COG5: variants seen among roughly 807,000 people sequenced by gnomAD.
COG5 encodes the protein component of oligomeric golgi complex 5, also known as conserved oligomeric Golgi complex subunit 5.
In COG5, 86 loss-of-function variants were observed where a neutral mutation model predicts 110.4. The ratio of observed to expected loss-of-function variants is 0.78; its 90% CI spans 0.65 to 0.93. The LOEUF (loss-of-function observed/expected upper bound fraction) is 0.93, where lower values mean the gene tolerates loss of function less well. COG5 is among the 40% of genes least tolerant of loss of function. COG5 has a pLI of 0.00. For missense variants in COG5, 1,077 were observed against 987.0 expected (o/e 1.09, Z -1.22); for synonymous variants, 360 against 334.6 (o/e 1.08, Z -0.83).
chr7:107,250,041 T>C (rs1802375043), intron 16 of COG5, among the ~76,000 whole-genome samples: 1 of 152,120 alleles, frequency 6.6e-6, no homozygotes, highest in African/African-American at 2.4e-5. Flanking sequence ...ATCCTAAAGG[T>C]ACCAGGAAAC....
chr7:107,338,939 C>T (rs1021778970), intron 10 of COG5, among the ~76,000 whole-genome samples: 8 of 152,004 alleles, frequency 5.3e-5, no homozygotes, highest in Admixed American at 5.2e-4. Flanking sequence ...TTTACATGGC[C>T]AACACATCCT....
chr7:107,327,119 G>C (rs1034166258), intron 10 of COG5, among the ~76,000 whole-genome samples: 2 of 152,014 alleles, frequency 1.3e-5, no homozygotes, highest in Non-Finnish European at 2.9e-5. Flanking sequence ...CAATGGAGTA[G>C]AGAGACAAAA....
intron 11 of COG5, among the ~76,000 whole-genome samples, chr7:107,301,215 T>C (rs1315301112): frequency 6.6e-6 from 1 of 152,144 alleles, no homozygotes; most frequent in Non-Finnish European, 1.5e-5. Context: ...TTAGACATGA[T>C]ATGAAACCAA....
At chr7:107,281,736 G>T (rs1805185717) in intron 13 of COG5, among the ~76,000 whole-genome samples, 1 of 152,108 alleles carries the variant, frequency 6.6e-6, no homozygotes, top group African/African-American at 2.4e-5. Context: ...GCATATCACA[G>T]ACATCTGCAA....
At chr7:107,489,866 G>A (rs984560904) in intron 6 of COG5, among the ~76,000 whole-genome samples, 31 of 152,200 alleles carry the variant, frequency 2.0e-4, no homozygotes, top group African/African-American at 6.5e-4. Flanking sequence ...GGAACGCTAT[G>A]TAATCTTATT....
chr7:107,362,178 G>A lies in COG5; in HGVS notation c.949-68C>T, dbSNP rs76716147. The A allele has an allele frequency of 6.9e-3, 9,377 of 1,360,170 alleles. 509 individuals are homozygous for A. In the African/African-American group the frequency reaches 0.12, roughly 17 times the overall value. The allele number at this position is 1,360,170 out of a possible 1,614,324, so 84.3% of individuals were successfully genotyped here. The stretch of plus-strand genomic sequence containing the variant: ...AGAAAAGGGAAATGGCAACCTTTAC[G>A]TACATTATCATCAGCTAGTGGAGGT... On this transcript the variant is annotated intron_variant, in intron 9 of 21. Transcript: ENST00000297135.
intron 6 of COG5, 102 bp downstream of exon 6, chr7:107,527,135 A>T: frequency 9.6e-7 from 1 of 1,045,142 alleles, no homozygotes; most frequent in Non-Finnish European, 1.4e-6. Context: ...AAATTTGTTT[A>T]ATAGTACTTG....
chr7:107,550,043 G>C (rs1445294935), intron 3 of COG5, among the ~76,000 whole-genome samples: 1 of 151,870 alleles, frequency 6.6e-6, no homozygotes, highest in Admixed American at 6.6e-5. Context: ...TACATCAAAT[G>C]TAAGATACCC....
intron 10 of COG5, among the ~76,000 whole-genome samples, chr7:107,349,521 C>T (rs1198603494): frequency 1.3e-5 from 2 of 151,742 alleles, no homozygotes; most frequent in Non-Finnish European, 2.9e-5. Flanking sequence ...CTGCCTCGGC[C>T]TCCAGAGTAG....
rs187084765 is a variant in COG5 at position 107,563,547 on chromosome 7, G to T, written c.94+256C>A. On this transcript the variant is annotated intron_variant, in intron 1 of 21. Transcript: ENST00000297135. ...AACTTCAGGGAAGCTGGAGGCATGG[G>T]GGGGGGGGGGGTCGAGTTGAAATGA... is the stretch of plus-strand genomic sequence containing the variant. 64 of 272,292 alleles carry T rather than the reference G, an allele frequency of 2.4e-4. 1 individual carries two copies. Among genetic ancestry groups the T allele is most frequent in the Middle Eastern group, 1.0e-3 (1 of 978 alleles). The allele number at this position is 272,292 out of a possible 1,614,324, so 16.9% of individuals were successfully genotyped here.
rs574665716 is a variant in COG5 at position 107,275,152 on chromosome 7, G to GT, written c.1575+6147dup. ...AAAATAGTCCAACGTAAGAAGAGAG[G>GT]TAACAAAAAGTGCCAGGCTATCTAA... On this transcript the variant is annotated intron_variant, in intron 14 of 21. Coordinates refer to ENST00000297135, the MANE Select transcript of COG5 (RefSeq NM_006348.5). Among the ~76,000 whole-genome samples the GT allele has an allele frequency of 2.0e-3, 303 of 152,116 alleles. 2 individuals carry two copies. Among genetic ancestry groups the GT allele is most frequent in the African/African-American group, 6.9e-3 (286 of 41,500 alleles).
In COG5 at chr7:107,202,174, T is replaced by C. The variant is rs1431633360; in HGVS notation, c.*1342A>G. On this transcript the variant is annotated 3_prime_UTR_variant, in exon 22 of 22. Coordinates refer to ENST00000297135, the MANE Select transcript of COG5 (RefSeq NM_006348.5). Reference sequence around the variant, plus strand: ...TATTAACAAACAGTCAACACCATTGTATTTTTTAACTTCGTGTTCTGTATC... The same window carrying C: ...TATTAACAAACAGTCAACACCATTGCATTTTTTAACTTCGTGTTCTGTATC... 6.5e-6 allele frequency: 1 copy of C among 152,694 alleles called. No individual in the cohort carries two copies. The highest frequency in any genetic ancestry group is 1.9e-4 in the East Asian group (1 of 5,204). The allele number at this position is 152,694 out of a possible 1,614,324, so 9.5% of individuals were successfully genotyped here.
rs1024548374 is a variant in COG5 at position 107,534,587 on chromosome 7, T to C, written c.418-7230A>G. On this transcript the variant is annotated intron_variant, in intron 5 of 21. Transcript: ENST00000297135. ...AAAGACAAAGAAGCCCATTACATAA[T>C]GGTAAAGGGATCAATGCAACAAGAA... Among the ~76,000 whole-genome samples, 41 of 149,764 alleles carry C rather than the reference T, an allele frequency of 2.7e-4. 2 individuals carry two copies. Among genetic ancestry groups the C allele is most frequent in the African/African-American group, 1.0e-3 (41 of 40,132 alleles).
rs979983226 is a variant in COG5, at chr7:107,358,912, C to CT, written c.1026+3120dup. ...CTCCTCTAGATCTTGCCCCATGCAT[C>CT]TTTTTTTCCTTTTGCTGATTTTGCT... On this transcript the variant is annotated intron_variant, in intron 10 of 21. Transcript: ENST00000297135. 2.6e-5 allele frequency among the ~76,000 whole-genome samples: 4 copies of CT among 152,098 alleles called. No homozygotes were observed. In the South Asian group the frequency reaches 6.2e-4, roughly 24 times the overall value.
chr7:107,251,065 G>A (rs1387547170), intron 16 of COG5, among the ~76,000 whole-genome samples: 3 of 139,494 alleles, frequency 2.2e-5, no homozygotes, highest in Non-Finnish European at 4.5e-5. Context: ...TAATTTTGAT[G>A]AGAACTATGC....
At chr7:107,460,270 GCACATGT>G (rs1461966994) in intron 6 of COG5, among the ~76,000 whole-genome samples, 1 of 152,060 alleles carries the variant, frequency 6.6e-6, no homozygotes, top group Non-Finnish European at 1.5e-5. Context: ...GGGCCTGGTG[GCACATGT>G]CTGTAGTGCC....
At position 107,549,615 on chromosome 7, in the gene COG5, G is replaced by A. The variant is rs189788728; in HGVS notation, c.293-1283C>T. ...GATGGGGTTTCACCATGTTAGCCAG[G>A]ATGGTCTCGACCTCCTGACCTCGTG... On this transcript the variant is annotated intron_variant, in intron 3 of 21. Coordinates refer to ENST00000297135, the MANE Select transcript of COG5 (RefSeq NM_006348.5). Among the ~76,000 whole-genome samples the A allele has an allele frequency of 2.9e-3, 431 of 150,668 alleles. 2 individuals are homozygous for A. Among genetic ancestry groups the A allele is most frequent in the African/African-American group, 0.01 (418 of 40,986 alleles).
At chr7:107,225,951 G>A (rs1330357031) in intron 19 of COG5, among the ~76,000 whole-genome samples, 6 of 152,160 alleles carry the variant, frequency 3.9e-5, no homozygotes, top group Admixed American at 6.5e-5. Context: ...GCTGATGCAG[G>A]AGAATCGCTT....
rs147117928 is a variant in COG5, at chr7:107,233,685, G to A, written c.2091+2765C>T. 1.7e-4 allele frequency among the ~76,000 whole-genome samples: 26 copies of A among 152,204 alleles called. No homozygotes were observed. In the East Asian group the frequency reaches 4.8e-3, roughly 28 times the overall value. On this transcript the variant is annotated intron_variant, in intron 18 of 21. Coordinates refer to ENST00000297135, the MANE Select transcript of COG5 (RefSeq NM_006348.5). ...CAGTTTTTAAACCCATGGAGTATTT[G>A]TGTATTTTTGATTTCAGTGACCTCA... is the stretch of plus-strand genomic sequence containing the variant.
Sources: gnomAD v4.1 joint callset for allele counts (sites outside exome capture counted in the v4.1 genomes callset) on GRCh38, gnomAD v4.1.1 for gene constraint, MANE v1.5 for transcripts, NCBI Gene and HGNC (gene_info 2026-07-23, HGNC 2026-07-21) for gene names.